TUBB8B: variants seen among roughly 807,000 people sequenced by gnomAD.
TUBB8B encodes the protein HSA18p11 beta-tubulin 4Q pseudogene.
TUBB8B carries 26 observed loss-of-function variants against 31.9 expected under a neutral mutation model. The ratio of observed to expected loss-of-function variants is 0.81; its 90% CI spans 0.60 to 1.13. The LOEUF (loss-of-function observed/expected upper bound fraction) is 1.13, where lower values mean the gene tolerates loss of function less well. TUBB8B is among the 50% of genes most tolerant of loss of function. The pLI is 0.00. For synonymous variants in TUBB8B, 173 were observed against 231.0 expected (o/e 0.75, Z 2.28); for missense variants, 467 against 586.7 (o/e 0.80, Z 2.11).
At position 49,609 on chromosome 18, in the gene TUBB8B, G is replaced by A. The variant is rs939869720; in HGVS notation, c.-52C>T. ...AGAAGCGCGAGAAGGAGGAGCAGAC[G>A]CGCAGCGACCCAGCCCGCCCTCCGC... On this transcript the variant is annotated 5_prime_UTR_variant, in exon 1 of 4. Coordinates refer to ENST00000308911, the MANE Select transcript of TUBB8B (RefSeq NM_001358689.2). 33 of 765,462 alleles carry A rather than the reference G, an allele frequency of 4.3e-5. No individual in the cohort carries two copies. The highest frequency in any genetic ancestry group is 3.8e-4 in the East Asian group (14 of 36,602). 47.4% of individuals were successfully genotyped at this position (765,462 alleles called of 1,614,324 possible). A position where few individuals can be genotyped will look rare whatever the true frequency, so the allele number is the denominator to read the frequency against.
the TUBB8B span, among the ~76,000 whole-genome samples, chr18:63,776 CTAGCCT>C: frequency 2.7e-5 from 4 of 149,092 alleles, no homozygotes; most frequent in Admixed American, 2.7e-4. Context: ...AACCCTAGCC[CTAGCCT>C]TAGCCCTAAC....
At chr18:68,607 C>A in the TUBB8B span, among the ~76,000 whole-genome samples, 2 of 152,180 alleles carry the variant, frequency 1.3e-5, no homozygotes. Context: ...CAGTGCAACC[C>A]ACCAGAAAGC....
chr18:70,966 G>A, the TUBB8B span, among the ~76,000 whole-genome samples: 140 of 151,578 alleles, frequency 9.2e-4, 4 homozygotes, highest in South Asian at 0.025. Context: ...GGAGATCTTC[G>A]GCTGGGTGCA....
At chr18:60,391 GTTAA>G in the TUBB8B span, among the ~76,000 whole-genome samples, 183 of 151,442 alleles carry the variant, frequency 1.2e-3, 2 homozygotes, top group Middle Eastern at 0.01. Context: ...CTAAATATTT[GTTAA>G]TTGTTTTACT....
At chr18:64,866 A>G in the TUBB8B span, among the ~76,000 whole-genome samples, 1 of 152,062 alleles carries the variant, frequency 6.6e-6, no homozygotes, top group Admixed American at 6.6e-5. Context: ...TTTTTCCCCT[A>G]AACTTCTAAT....
At chr18:56,750 C>A in the TUBB8B span, among the ~76,000 whole-genome samples, 5,304 of 151,826 alleles carry the variant, frequency 0.035, 197 homozygotes, top group Non-Finnish European at 0.055. Flanking sequence ...GCTGTAAAAA[C>A]AATTGGTGAC....
chr18:57,563 G>A, the TUBB8B span, among the ~76,000 whole-genome samples: 16 of 151,900 alleles, frequency 1.1e-4, no homozygotes, highest in Admixed American at 3.3e-4. Context: ...CTGGTATTGC[G>A]TGCCACTGGC....
chr18:48,730 C>A lies in TUBB8B; in HGVS notation c.277+210G>T, dbSNP rs969369207. On this transcript the variant is annotated intron_variant, in intron 3 of 3. Coordinates refer to ENST00000308911, the MANE Select transcript of TUBB8B (RefSeq NM_001358689.2). ...GCCACGGCCCCAGCTCAGCTCCCGG[C>A]AGGGACATCAGTAGCTCCTCACCTT... is the stretch of plus-strand genomic sequence containing the variant. The A allele has an allele frequency of 8.6e-6, 6 of 697,646 alleles. No homozygotes were observed. In the Admixed American group the frequency reaches 1.2e-4, roughly 14 times the overall value. 43.2% of individuals were successfully genotyped at this position (697,646 alleles called of 1,614,324 possible).
the TUBB8B span, among the ~76,000 whole-genome samples, chr18:67,866 T>C: frequency 6.6e-6 from 1 of 151,214 alleles, no homozygotes; most frequent in Non-Finnish European, 1.5e-5. Flanking sequence ...ATACGACACC[T>C]GTAAGGCTGA....
upstream of TUBB8B, among the ~76,000 whole-genome samples, chr18:54,052 G>T (rs545866044): frequency 6.6e-6 from 1 of 151,688 alleles, no homozygotes; most frequent in African/African-American, 2.4e-5. Flanking sequence ...GACTGACTGA[G>T]AGCTATGGCT....
the TUBB8B span, among the ~76,000 whole-genome samples, chr18:57,466 C>A: frequency 0.048 from 7,258 of 151,678 alleles, 356 homozygotes; most frequent in Non-Finnish European, 0.072. Context: ...TTTGACTCTA[C>A]GTCCCATTTC....
At chr18:70,929 A>C in the TUBB8B span, among the ~76,000 whole-genome samples, 19,981 of 150,930 alleles carry the variant, frequency 0.13, 1,147 homozygotes, top group South Asian at 0.19. Context: ...AAAAGAGTGA[A>C]AATCTGTCTC....
the TUBB8B span, among the ~76,000 whole-genome samples, chr18:67,557 CATTCTAAAATTTTAAAAA>C: frequency 9.9e-5 from 15 of 152,244 alleles, no homozygotes; most frequent in Admixed American, 5.2e-4. Context: ...GCCCAGCTTT[CATTCTAAAATTTTAAAAA>C]ATTCTAAAAT....
At chr18:72,196 A>AAAAAAAAAAAAAAAAAAAACAAAAAAC in the TUBB8B span, among the ~76,000 whole-genome samples, 1 of 84,536 alleles carries the variant, frequency 1.2e-5, no homozygotes, top group East Asian at 1.2e-3. Context: ...AAAAAAAAAA[A>AAAAAAAAAAAAAAAAAAAACAAAAAAC]AAAGGAAAAA....
At chr18:56,429 A>C in the TUBB8B span, among the ~76,000 whole-genome samples, 3 of 151,798 alleles carry the variant, frequency 2.0e-5, 1 homozygote, top group Non-Finnish European at 4.4e-5. Context: ...CATTTTTTAA[A>C]ATACTGATTC....
rs1392488789 is a variant in TUBB8B, at chr18:49,597, G to A, written c.-40C>T. ...TAGGGCGGCAGCAGAAGCGCGAGAAGGAGGAGCAGACGCGCAGCGACCCAG... is the reference window on the plus strand; with the variant it reads ...TAGGGCGGCAGCAGAAGCGCGAGAAAGAGGAGCAGACGCGCAGCGACCCAG... On this transcript the variant is annotated 5_prime_UTR_variant, in exon 1 of 4. Coordinates refer to ENST00000308911, the MANE Select transcript of TUBB8B (RefSeq NM_001358689.2). 1 of 771,520 alleles carries A rather than the reference G, an allele frequency of 1.3e-6. No homozygotes were observed. The highest frequency in any genetic ancestry group is 2.7e-5 in the East Asian group (1 of 36,404). 47.8% of individuals were successfully genotyped at this position (771,520 alleles called of 1,614,324 possible). A position where few individuals can be genotyped will look rare whatever the true frequency, so the allele number is the denominator to read the frequency against.
the TUBB8B span, among the ~76,000 whole-genome samples, chr18:62,629 G>T: frequency 6.6e-6 from 1 of 151,502 alleles, no homozygotes; most frequent in Non-Finnish European, 1.5e-5. Context: ...CACTGTGTTA[G>T]CCAGGATGGC....
chr18:48,604 C>T, intron 3 of TUBB8B, 157 bp from the exon 4 acceptor site: 2 of 706,276 alleles, frequency 2.8e-6, no homozygotes, highest in Non-Finnish European at 2.6e-6. Context: ...AGTTACAGGA[C>T]AGCAGCTTCC....
the TUBB8B span, among the ~76,000 whole-genome samples, chr18:58,287 C>T: frequency 1.3e-5 from 2 of 151,620 alleles, no homozygotes; most frequent in African/African-American, 4.8e-5. Flanking sequence ...AGCTTTTACG[C>T]TATGCTTCCC....
Sources: allele counts gnomAD v4.1 joint callset (sites outside exome capture counted in the v4.1 genomes callset), GRCh38; gene constraint gnomAD v4.1.1; transcripts MANE v1.5; gene names NCBI Gene and HGNC (gene_info 2026-07-23, HGNC 2026-07-21).